STEAP1B: variants seen among roughly 807,000 people sequenced by gnomAD.
STEAP1B encodes STEAP family member 1B.
Under a neutral mutation model 27.9 loss-of-function variants are expected in STEAP1B, and 13 were observed. The observed-to-expected ratio is 0.47, with a 90% CI of 0.30 to 0.74. The LOEUF (loss-of-function observed/expected upper bound fraction) is 0.74. Ranked by LOEUF, STEAP1B falls within the 30% of genes least tolerant of loss-of-function variation. The probability of loss-of-function intolerance (pLI) is 0.06; values close to 1 mark genes in which losing one functional copy is unlikely to be tolerated. For synonymous variants in STEAP1B, 86 were observed against 107.1 expected, an observed-to-expected ratio of 0.80 and a Z score of 1.22; for missense variants, 250 against 298.7, an observed-to-expected ratio of 0.84 and a Z score of 1.20.
chr7:22,440,939 T>A lies in STEAP1B; in HGVS notation c.763-21103A>T, dbSNP rs1785323535. Among the ~76,000 whole-genome samples the A allele has an allele frequency of 6.6e-5, 10 of 150,578 alleles. No homozygotes were observed. The South Asian group carries it at 2.1e-3, about 31-fold the overall frequency. Reference sequence around the variant, plus strand: ...AAAATTGTGCTTTAATATTCTATTTTAAAAAGTAGAATATTAAAATATATG... The same window carrying A: ...AAAATTGTGCTTTAATATTCTATTTAAAAAAGTAGAATATTAAAATATATG... On this transcript the variant is annotated intron_variant, in intron 4 of 4. Coordinates refer to ENST00000678116, the MANE Select transcript of STEAP1B (RefSeq NM_001382447.1).
rs545400180 is a variant in STEAP1B, at chr7:22,467,741, G to A, written c.762+24824C>T. Among the ~76,000 whole-genome samples, 41 of 152,248 alleles carry A rather than the reference G, an allele frequency of 2.7e-4. 1 individual carries two copies. The highest frequency in any genetic ancestry group is 1.2e-3 in the South Asian group (6 of 4,808). ...ATGATTGTGAGGCCTCCCCAGCCAC[G>A]TGGAACTGTGAGTCTATTAAACCTC... On this transcript the variant is annotated intron_variant, in intron 4 of 4. Transcript: ENST00000678116.
chr7:22,438,484 C>T (rs1378371901), intron 4 of STEAP1B: 3 of 1,547,330 alleles, frequency 1.9e-6, no homozygotes, highest in Non-Finnish European at 2.6e-6. Flanking sequence ...CACTTTCATG[C>T]ATGCTTAAAT....
At chr7:22,461,200 G>A (rs1562575251) in intron 4 of STEAP1B, among the ~76,000 whole-genome samples, 1 of 152,108 alleles carries the variant, frequency 6.6e-6, no homozygotes, top group Non-Finnish European at 1.5e-5. Context: ...TTCAGTTTCC[G>A]ATGAGGTTTC....
Position 22,492,544 on chromosome 7 carries a change from G to T in STEAP1B, c.762+21C>A, listed in dbSNP as rs775438878. The T allele has an allele frequency of 1.9e-6, 3 of 1,562,284 alleles. No homozygotes were observed. In the Admixed American group the frequency reaches 5.8e-5, roughly 30 times the overall value. On this transcript the variant is annotated intron_variant, in intron 4 of 4. Coordinates refer to ENST00000678116, the MANE Select transcript of STEAP1B (RefSeq NM_001382447.1). ...ACAAAAAGAAGATTTACCTCTTAGGGTTATTTTATATATTATTTACCTGAA... is the reference window on the plus strand; with the variant it reads ...ACAAAAAGAAGATTTACCTCTTAGGTTTATTTTATATATTATTTACCTGAA...
At chr7:22,473,789 C>T (rs959195485) in intron 4 of STEAP1B, among the ~76,000 whole-genome samples, 11 of 152,126 alleles carry the variant, frequency 7.2e-5, no homozygotes, top group African/African-American at 1.9e-4. Context: ...CACAGACTCC[C>T]GAGTGCCTCT....
At position 22,492,836 on chromosome 7, in the gene STEAP1B, A is replaced by G. The variant is rs147275918; in HGVS notation, c.598-107T>C. ...GTGTGTACTATGAAGCCCTGATAAC[A>G]GGTCTCCACAAATTTATGACTTTTT... On this transcript the variant is annotated intron_variant, in intron 3 of 4. Transcript: ENST00000678116. 3.8e-3 allele frequency: 5,416 copies of G among 1,420,732 alleles called. 175 individuals carry two copies. In the African/African-American group the frequency reaches 0.069, roughly 18 times the overall value. 88.0% of individuals were successfully genotyped at this position (1,420,732 alleles called of 1,614,324 possible). A position where few individuals can be genotyped will look rare whatever the true frequency, so the allele number is the denominator to read the frequency against.
intron 4 of STEAP1B, among the ~76,000 whole-genome samples, chr7:22,456,267 G>T (rs1785577494): frequency 1.3e-5 from 2 of 152,286 alleles, no homozygotes; most frequent in South Asian, 2.1e-4. Context: ...ATTGATTATG[G>T]CAGTTTCTGT....
chr7:22,493,868 T>G, intron 2 of STEAP1B, 32 bp from the exon 3 acceptor site: 6 of 1,549,942 alleles, frequency 3.9e-6, no homozygotes, highest in Non-Finnish European at 5.3e-6. Context: ...CATCTTAAAA[T>G]TGAACAAAAC....
At chr7:22,494,709 T>G (rs1786407455) in intron 2 of STEAP1B, 63 bp downstream of exon 2, 2 of 1,186,390 alleles carry the variant, frequency 1.7e-6, no homozygotes, top group Middle Eastern at 2.4e-4. Flanking sequence ...AGATACAGAA[T>G]GTCATCGAAT....
intron 4 of STEAP1B, among the ~76,000 whole-genome samples, chr7:22,422,440 G>A (rs11976688): frequency 0.038 from 5,850 of 152,046 alleles, 208 homozygotes; most frequent in African/African-American, 0.077. Context: ...GAGCAACAAC[G>A]TCACTGGAAT....
intron 4 of STEAP1B, among the ~76,000 whole-genome samples, chr7:22,491,803 T>A (rs954181068): frequency 8.5e-5 from 13 of 152,092 alleles, no homozygotes; most frequent in African/African-American, 3.1e-4. Context: ...AGGGAAGATT[T>A]TGAGAAAAGA....
chr7:22,462,861 G>A (rs1180666841), intron 4 of STEAP1B, among the ~76,000 whole-genome samples: 3 of 151,882 alleles, frequency 2.0e-5, no homozygotes, highest in African/African-American at 7.3e-5. Context: ...GTGTAAAAGT[G>A]TTCCTATTTC....
chr7:22,489,139 G>T (rs955988274), intron 4 of STEAP1B, among the ~76,000 whole-genome samples: 1 of 152,190 alleles, frequency 6.6e-6, no homozygotes, highest in Non-Finnish European at 1.5e-5. Context: ...GCCTGCACGT[G>T]ACTTCACAAA....
At chr7:22,487,800 CACCCAAAA>C (rs1190008412) in intron 4 of STEAP1B, among the ~76,000 whole-genome samples, 137 of 119,052 alleles carry the variant, frequency 1.2e-3, no homozygotes, top group Middle Eastern at 8.3e-3. Flanking sequence ...AGCAAAACTC[CACCCAAAA>C]AAAAAAAAAA....
rs574283828 is a variant in STEAP1B, at chr7:22,423,570, T to A, written c.763-3734A>T. Among the ~76,000 whole-genome samples the A allele has an allele frequency of 6.6e-5, 10 of 152,292 alleles. 1 individual carries two copies. The South Asian group carries it at 2.1e-3, about 32-fold the overall frequency. On this transcript the variant is annotated intron_variant, in intron 4 of 4. Coordinates refer to ENST00000678116, the MANE Select transcript of STEAP1B (RefSeq NM_001382447.1). ...AAACGTCCAGGAATAGGGAAATCCA[T>A]AGAGACAGAAAGTTGACGTTTGCCT...
intron 4 of STEAP1B, among the ~76,000 whole-genome samples, chr7:22,451,059 T>C (rs951189225): frequency 6.6e-6 from 1 of 152,032 alleles, no homozygotes; most frequent in Non-Finnish European, 1.5e-5. Context: ...TAGCCAGGTG[T>C]GGTGGCACAT....
chr7:22,447,163 T>A (rs1785420790), intron 4 of STEAP1B, among the ~76,000 whole-genome samples: 1 of 152,112 alleles, frequency 6.6e-6, no homozygotes, highest in Non-Finnish European at 1.5e-5. Context: ...GTAACCAGAG[T>A]CACTTTCTCT....
At position 22,431,555 on chromosome 7, in the gene STEAP1B, A is replaced by T. The variant is rs540571271; in HGVS notation, c.763-11719T>A. 3.5e-4 allele frequency among the ~76,000 whole-genome samples: 53 copies of T among 152,350 alleles called. No homozygotes were observed. The South Asian group carries it at 5.2e-3, about 15-fold the overall frequency. ...ATGGAGTGAGGTCTCCTCCCAGAGC[A>T]TGTAGGCTGGTAGAAGAGGCATGAT... On this transcript the variant is annotated intron_variant, in intron 4 of 4. Coordinates refer to ENST00000678116, the MANE Select transcript of STEAP1B (RefSeq NM_001382447.1).
intron 4 of STEAP1B, among the ~76,000 whole-genome samples, chr7:22,476,448 A>G (rs1029209767): frequency 2.0e-5 from 3 of 152,210 alleles, no homozygotes; most frequent in Non-Finnish European, 4.4e-5. Context: ...TGCAAGAGGC[A>G]CGCAGTTTAT....
Sources: gnomAD v4.1 joint callset for allele counts (sites outside exome capture counted in the v4.1 genomes callset) on GRCh38, gnomAD v4.1.1 for gene constraint, MANE v1.5 for transcripts, NCBI Gene and HGNC (gene_info 2026-07-23, HGNC 2026-07-21) for gene names.